ABL1: variants seen among roughly 807,000 people sequenced by gnomAD.
ABL1 encodes the protein tyrosine-protein kinase ABL1.
In ABL1, 11 loss-of-function variants were observed where a neutral mutation model predicts 94.7. That is an observed-to-expected ratio of 0.12 (90% CI 0.07 to 0.19). ABL1 has a LOEUF of 0.19. Among genes scored for constraint, ABL1 ranks in the 10% least tolerant of loss-of-function variants. ABL1 has a pLI of 1.00. For missense variants in ABL1, 1,082 were observed against 1,489.4 expected (o/e 0.73, Z 4.50); for synonymous variants, 656 against 622.4 (o/e 1.05, Z -0.80).
At chr9:130,793,018 G>C (rs1174260845) in intron 1 of ABL1, among the ~76,000 whole-genome samples, 1 of 152,152 alleles carries the variant, frequency 6.6e-6, no homozygotes, top group Non-Finnish European at 1.5e-5. Context: ...CTCCGTCTCT[G>C]AGGTTCCAGC....
In ABL1 at chr9:130,814,915, TA is replaced by T. The variant is rs572840014; in HGVS notation, c.137-39141del. Among the ~76,000 whole-genome samples, 1 of 151,438 alleles carries T rather than the reference TA, an allele frequency of 6.6e-6. No homozygotes were observed. The highest frequency in any genetic ancestry group is 2.1e-4 in the South Asian group (1 of 4,800). On this transcript the variant is annotated intron_variant, in intron 1 of 10. Coordinates refer to the ABL1 transcript ENST00000372348. This position sits in a 1 kb window ranked among gnomAD's most constrained non-coding sequence, Gnocchi z 4.4. ...AAAATAAAAATAAAGTTTAGTAAAA[TA>T]AAAAAAATCAGTAAAATACAAATAA...
intron 1 of ABL1, among the ~76,000 whole-genome samples, chr9:130,821,447 A>C (rs1371377939): frequency 6.6e-6 from 1 of 152,068 alleles, no homozygotes. Context: ...TATCTGTATT[A>C]TAGCACGTCT....
rs964440384 is a variant in ABL1 at position 130,745,475 on chromosome 9, GA to G, written c.136+31031del. Among the ~76,000 whole-genome samples, 1,256 of 144,854 alleles carry G rather than the reference GA, an allele frequency of 8.7e-3. 15 individuals carry two copies. Among genetic ancestry groups the G allele is most frequent in the African/African-American group, 0.029 (1,139 of 39,636 alleles). ...TTTGATTTTCAGTTTTCTGTAGAAGGAAAAAAAAAAATCAAACCAACAATAG... is the reference window on the plus strand; with the variant it reads ...TTTGATTTTCAGTTTTCTGTAGAAGGAAAAAAAAAATCAAACCAACAATAG... On this transcript the variant is annotated intron_variant, in intron 1 of 10. Transcript: ENST00000372348.
At chr9:130,801,045 T>A (rs551916315) in intron 1 of ABL1, among the ~76,000 whole-genome samples, 364 of 151,510 alleles carry the variant, frequency 2.4e-3, no homozygotes, top group African/African-American at 7.0e-3. Context: ...ATTCTCAGCG[T>A]CAGCCTCCCA....
At chr9:130,871,995 G>A (rs2132994475) in intron 4 of ABL1, 134 bp from the exon 5 acceptor site, 1 of 694,218 alleles carries the variant, frequency 1.4e-6, no homozygotes, top group South Asian at 1.9e-5. Context: ...CCTGTCTGCA[G>A]CAATGTGGCT....
rs1365601952 is a variant in ABL1, at chr9:130,735,955, A to ATTTTTT, written c.136+21501_136+21502insTTTTTT. Among the ~76,000 whole-genome samples the ATTTTTT allele has an allele frequency of 1.8e-3, 75 of 41,474 alleles. 2 individuals are homozygous for ATTTTTT. Among genetic ancestry groups the ATTTTTT allele is most frequent in the Admixed American group, 8.3e-3 (27 of 3,270 alleles). The allele number at this position is 41,474 out of a possible 152,430, so 27.2% of individuals were successfully genotyped here. ...TGTGCATATATATATATATATATAT[A>ATTTTTT]TATATATTTTTTTTTTTTAAGACAG... On this transcript the variant is annotated intron_variant, in intron 1 of 10. Coordinates refer to the ABL1 transcript ENST00000372348.
chr9:130,821,097 GT>G (rs1218550261), intron 1 of ABL1, among the ~76,000 whole-genome samples: 1 of 151,698 alleles, frequency 6.6e-6, no homozygotes, highest in Non-Finnish European at 1.5e-5. Context: ...GCCCAGCTAA[GT>G]TTTTTGTATT....
Position 130,884,380 on chromosome 9 carries a change from G to T in ABL1, c.2090G>T (p.Arg697Leu). 1 of 1,611,856 alleles carries T rather than the reference G, an allele frequency of 6.2e-7. No homozygotes were observed. Among genetic ancestry groups the T allele is most frequent in the Middle Eastern group, 1.7e-4 (1 of 6,048 alleles). Residue 697 changes from arginine (R) to leucine (L), a missense_variant, in exon 11 of 11, where the codon CGC (arginine) becomes CTC (leucine). By Grantham distance (102) the Arg-to-Leu change is moderately radical (BLOSUM62 -2). Transcript: ENST00000318560. This position sits in a 1 kb window ranked among gnomAD's most constrained non-coding sequence, Gnocchi z 5.6. ...WKKSSTLTSS[R>L]LATGEEEGGG... ...AAGTCCAGCACGCTGACCAGCAGCC[G>T]CCTAGCCACCGGCGAGGAGGAGGGC...
chr9:130,837,599 C>T (rs538704682), intron 1 of ABL1, among the ~76,000 whole-genome samples: 1 of 151,156 alleles, frequency 6.6e-6, no homozygotes, highest in Admixed American at 6.6e-5. Context: ...GTTAAACCTT[C>T]TTCTAGGAAG....
intron 1 of ABL1, among the ~76,000 whole-genome samples, chr9:130,797,993 C>T (rs1830002841): frequency 1.3e-5 from 2 of 152,080 alleles, no homozygotes; most frequent in African/African-American, 2.4e-5. Flanking sequence ...TTAATTTCTT[C>T]AGCAGGTCAG....
At chr9:130,724,163 A>G (rs368032984) in intron 1 of ABL1, among the ~76,000 whole-genome samples, 2 of 152,324 alleles carry the variant, frequency 1.3e-5, no homozygotes, top group South Asian at 4.1e-4. Context: ...AGGCTGGAGT[A>G]CAATGATATG....
intron 1 of ABL1, among the ~76,000 whole-genome samples, chr9:130,828,691 A>G (rs1449658194): frequency 6.6e-6 from 1 of 152,228 alleles, no homozygotes. Flanking sequence ...TGGGCAAGCA[A>G]CAAGAGTGAA....
chr9:130,856,002 G>A (rs1830968377), intron 3 of ABL1, among the ~76,000 whole-genome samples: 1 of 152,092 alleles, frequency 6.6e-6, no homozygotes, highest in Non-Finnish European at 1.5e-5. Context: ...TGCAACCTCT[G>A]CTTCCCATGC....
chr9:130,829,753 T>A (rs1588256162), intron 1 of ABL1, among the ~76,000 whole-genome samples: 1 of 152,224 alleles, frequency 6.6e-6, no homozygotes, highest in South Asian at 2.1e-4. Context: ...AAGGAAACAT[T>A]CATAGTATAT....
chr9:130,853,239 G>A (rs965525731), intron 1 of ABL1, among the ~76,000 whole-genome samples: 1 of 122,966 alleles, frequency 8.1e-6, no homozygotes, highest in Non-Finnish European at 1.6e-5. Context: ...ACAGTGGCAC[G>A]ATCTTGGCTC....
rs1337933244 is a variant in ABL1, at chr9:130,854,782, T to G, written c.254-19T>G. 1.2e-6 allele frequency: 2 copies of G among 1,606,054 alleles called. No individual in the cohort carries two copies. Among genetic ancestry groups the G allele is most frequent in the Admixed American group, 1.7e-5 (1 of 59,410 alleles). On this transcript the variant is annotated intron_variant, in intron 2 of 10. Coordinates refer to ENST00000318560, the MANE Select transcript of ABL1 (RefSeq NM_005157.6). ...GGTTTCCAAAGCTGATATGTCTGAT[T>G]TGGTTCCTTTCTTCTCAGGTGAAAA...
At chr9:130,850,407 C>T (rs937931211) in intron 1 of ABL1, among the ~76,000 whole-genome samples, 3 of 152,160 alleles carry the variant, frequency 2.0e-5, no homozygotes, top group African/African-American at 7.2e-5. Flanking sequence ...GTTCTCCCTC[C>T]ATCTGTAGGA....
intron 1 of ABL1, among the ~76,000 whole-genome samples, chr9:130,743,635 A>T (rs139093085): frequency 6.6e-6 from 1 of 152,318 alleles, no homozygotes; most frequent in East Asian, 1.9e-4. Flanking sequence ...CAGAGAGGAG[A>T]GAGAGAGAAT....
intron 1 of ABL1, among the ~76,000 whole-genome samples, chr9:130,783,694 C>A (rs1395910218): frequency 1.3e-5 from 2 of 151,988 alleles, no homozygotes; most frequent in Admixed American, 1.3e-4. Context: ...CTCGCTCTGT[C>A]GCCCAGGCTG....
Sources: gnomAD v4.1 joint callset for allele counts (sites outside exome capture counted in the v4.1 genomes callset) on GRCh38, gnomAD v4.1.1 for gene constraint, Gnocchi (gnomAD v3.1) non-coding constraint, MANE v1.5 for transcripts, NCBI Gene and HGNC (gene_info 2026-07-23, HGNC 2026-07-21) for gene names.